BANP: variants seen among roughly 807,000 people sequenced by gnomAD.
The protein encoded by BANP is BTG3 associated nuclear protein.
In BANP, 11 loss-of-function variants were observed where a neutral mutation model predicts 68.1. That is an observed-to-expected ratio of 0.16 (90% CI 0.10 to 0.27). The LOEUF is 0.27. Ranked by LOEUF, BANP falls within the 10% of genes least tolerant of loss-of-function variation. BANP has a pLI of 1.00. For missense variants in BANP, 504 were observed against 722.7 expected, an observed-to-expected ratio of 0.70 and a Z score of 3.47; for synonymous variants, 329 against 303.2, an observed-to-expected ratio of 1.09 and a Z score of -0.88.
chr16:88,044,628 G>T (rs1434252994), intron 11 of BANP, among the ~76,000 whole-genome samples: 2 of 152,210 alleles, frequency 1.3e-5, no homozygotes, highest in African/African-American at 4.8e-5. Context: ...AGTTGTAATT[G>T]AGTAGCTGGG....
chr16:87,962,360 T>A (rs2059348025), intron 1 of BANP, among the ~76,000 whole-genome samples: 1 of 152,152 alleles, frequency 6.6e-6, no homozygotes, highest in Non-Finnish European at 1.5e-5. Flanking sequence ...ATGTGTTAAT[T>A]TGTATGATTT....
intron 1 of BANP, among the ~76,000 whole-genome samples, chr16:87,960,830 T>C (rs901242233): frequency 1.3e-5 from 2 of 152,230 alleles, no homozygotes; most frequent in African/African-American, 4.8e-5. Flanking sequence ...TCTTACTAAA[T>C]GAGTGAAGTT....
chr16:88,073,146 G>A (rs1431887629), intron 13 of BANP, among the ~76,000 whole-genome samples: 1 of 152,244 alleles, frequency 6.6e-6, no homozygotes, highest in Non-Finnish European at 1.5e-5. Flanking sequence ...CTCCTCAGGA[G>A]GCGCTTGCTG....
chr16:87,996,062 A>G (rs548693794), intron 4 of BANP, among the ~76,000 whole-genome samples: 1 of 152,294 alleles, frequency 6.6e-6, no homozygotes, highest in East Asian at 1.9e-4. Context: ...CAGCATCTCC[A>G]TGTCAGTTGA....
At position 88,035,530 on chromosome 16, in the gene BANP, C is replaced by A. The variant is rs529929230; in HGVS notation, c.1272+136C>A. On this transcript the variant is annotated intron_variant, in intron 10 of 13. Coordinates refer to ENST00000682872, the MANE Select transcript of BANP (RefSeq NM_001386991.1). ...CGTGGGCAAGGGCTGCAGGACTCCG[C>A]TTCCAGGGTGCACATAGCGGGCCTG... 9 of 774,590 alleles carry A rather than the reference C, an allele frequency of 1.2e-5. No homozygotes were observed. In the East Asian group the frequency reaches 2.2e-4, roughly 19 times the overall value. The allele number at this position is 774,590 out of a possible 1,614,324, so 48.0% of individuals were successfully genotyped here.
At chr16:88,031,958 C>G (rs1039468039) in intron 8 of BANP, among the ~76,000 whole-genome samples, 40 of 152,066 alleles carry the variant, frequency 2.6e-4, no homozygotes, top group African/African-American at 9.4e-4. Flanking sequence ...ACGCGTGCCA[C>G]CACACCTGGC....
rs540220616 is a variant in BANP at position 87,992,671 on chromosome 16, G to A, written c.362+8412G>A. Among the ~76,000 whole-genome samples the A allele has an allele frequency of 7.2e-5, 11 of 151,996 alleles. No individual in the cohort carries two copies. The East Asian group carries it at 1.9e-3, about 27-fold the overall frequency. On this transcript the variant is annotated intron_variant, in intron 4 of 13. Transcript: ENST00000682872. ...TAGCCAGGTGTGGTAGCGGGCGCCT[G>A]TAGTCTCAGCTACTCAGGAGGTTGG...
chr16:88,040,403 G>A (rs952205228), intron 11 of BANP, among the ~76,000 whole-genome samples: 6 of 152,112 alleles, frequency 3.9e-5, no homozygotes, highest in Admixed American at 6.5e-5. Flanking sequence ...TCGCCTCGAT[G>A]TTGTCGACTG....
chr16:88,051,097 C>T (rs1259632605), intron 11 of BANP, among the ~76,000 whole-genome samples: 1 of 152,248 alleles, frequency 6.6e-6, no homozygotes, highest in Admixed American at 6.5e-5. Flanking sequence ...TCTCTTGCTG[C>T]CACAGCCAAG....
intron 7 of BANP, among the ~76,000 whole-genome samples, chr16:88,025,199 C>A (rs1313789118): frequency 1.3e-5 from 2 of 152,200 alleles, no homozygotes; most frequent in Non-Finnish European, 2.9e-5. Flanking sequence ...GCTGGGCTCT[C>A]ATGAAACTAT....
chr16:87,949,977 A>C (rs1233959959), upstream of BANP, among the ~76,000 whole-genome samples: 1 of 147,132 alleles, frequency 6.8e-6, no homozygotes, highest in Non-Finnish European at 1.5e-5. Context: ...TCCCGGGTTC[A>C]CGCCATTCTC....
At chr16:88,069,330 T>A (rs1025547536) in intron 12 of BANP, among the ~76,000 whole-genome samples, 2 of 152,260 alleles carry the variant, frequency 1.3e-5, no homozygotes, top group Non-Finnish European at 2.9e-5. Flanking sequence ...ACTGACAAAT[T>A]CATTGTTAAA....
chr16:87,961,803 C>G (rs1217220093), intron 1 of BANP, among the ~76,000 whole-genome samples: 1 of 152,148 alleles, frequency 6.6e-6, no homozygotes, highest in East Asian at 1.9e-4. Flanking sequence ...CTAATGGGCT[C>G]TCCTCGTGGT....
intron 11 of BANP, among the ~76,000 whole-genome samples, chr16:88,052,294 G>A (rs77907450): frequency 0.19 from 28,648 of 152,130 alleles, 3,458 homozygotes; most frequent in East Asian, 0.47. Flanking sequence ...GCAAGCTAGC[G>A]CTCTGCCTGC....
At chr16:88,049,073 C>T (rs1164240380) in intron 11 of BANP, among the ~76,000 whole-genome samples, 1 of 152,058 alleles carries the variant, frequency 6.6e-6, no homozygotes, top group African/African-American at 2.4e-5. Flanking sequence ...CTGGACACAG[C>T]AAGCAGTGGA....
intron 2 of BANP, chr16:87,980,582 T>C (rs1365461237): frequency 5.3e-6 from 1 of 187,238 alleles, no homozygotes; most frequent in Non-Finnish European, 1.1e-5. Flanking sequence ...TCAGCACCTA[T>C]GGCAATGTGA....
chr16:88,019,087 G>C (rs889365205), intron 7 of BANP, among the ~76,000 whole-genome samples: 1 of 152,174 alleles, frequency 6.6e-6, no homozygotes, highest in African/African-American at 2.4e-5. Context: ...TTCTGAGAGG[G>C]CTGGGCCTCA....
intron 6 of BANP, among the ~76,000 whole-genome samples, chr16:88,007,570 C>T (rs1211799622): frequency 6.6e-6 from 1 of 151,278 alleles, no homozygotes; most frequent in Non-Finnish European, 1.5e-5. Context: ...AAGAAAGAAC[C>T]AAACAGACTT....
At chr16:87,962,072 C>T (rs1171881559) in intron 1 of BANP, among the ~76,000 whole-genome samples, 1 of 151,608 alleles carries the variant, frequency 6.6e-6, no homozygotes, top group Non-Finnish European at 1.5e-5. Context: ...AACGCTGTCT[C>T]TACTAAAAAT....
Sources: gnomAD v4.1 joint callset for allele counts (sites outside exome capture counted in the v4.1 genomes callset) on GRCh38, gnomAD v4.1.1 for gene constraint, MANE v1.5 for transcripts, NCBI Gene and HGNC (gene_info 2026-07-23, HGNC 2026-07-21) for gene names.